The following CDC73 variants were observed in gnomAD, a reference collection of about 807,000 sequenced individuals.
The protein encoded by CDC73 is cell division cycle 73, also known as parafibromin.
CDC73 carries 21 observed loss-of-function variants against 83.7 expected under a neutral mutation model. The ratio of observed to expected loss-of-function variants is 0.25; its 90% CI spans 0.18 to 0.36. The LOEUF is 0.36. CDC73 is among the 10% of genes least tolerant of loss of function. The pLI is 1.00. For synonymous variants in CDC73, 224 were observed against 212.9 expected, an observed-to-expected ratio of 1.05 and a Z score of -0.45; for missense variants, 342 against 653.3, an observed-to-expected ratio of 0.52 and a Z score of 5.19.
At chr1:193,140,617 G>A (rs149450473) in intron 6 of CDC73, among the ~76,000 whole-genome samples, 31 of 152,202 alleles carry the variant, frequency 2.0e-4, no homozygotes, top group African/African-American at 7.2e-4. Flanking sequence ...TGCCATAGTC[G>A]ATCTGATAAC....
At chr1:193,133,908 AT>A (rs35439221) in intron 3 of CDC73, among the ~76,000 whole-genome samples, 12,544 of 146,676 alleles carry the variant, frequency 0.086, 888 homozygotes, top group African/African-American at 0.2. Context: ...CGGAGATAGG[AT>A]TTTTTTTTTT....
intron 10 of CDC73, among the ~76,000 whole-genome samples, chr1:193,162,826 T>G (rs959811110): frequency 2.0e-5 from 3 of 152,186 alleles, no homozygotes; most frequent in African/African-American, 7.2e-5. Flanking sequence ...TTTTTGTCAT[T>G]TCTGTCTTAT....
At chr1:193,200,925 T>C (rs940243846) in intron 10 of CDC73, among the ~76,000 whole-genome samples, 2 of 152,186 alleles carry the variant, frequency 1.3e-5, no homozygotes, top group Non-Finnish European at 2.9e-5. Flanking sequence ...GAATGTGCTT[T>C]TAGCCTCTTG....
At chr1:193,192,642 A>G in intron 10 of CDC73, among the ~76,000 whole-genome samples, 1 of 152,222 alleles carries the variant, frequency 6.6e-6, no homozygotes. Flanking sequence ...TCTGACCTAC[A>G]GAACCAGGCT....
chr1:193,253,311 A>T lies in CDC73; in HGVS notation c.*2599A>T, dbSNP rs984462173. ...CAGGTAATTTGAATGTGCAGGAAGG[A>T]TTCAGAATCACTGGTTTAATTTGTT... On this transcript the variant is annotated 3_prime_UTR_variant, in exon 17 of 17. Coordinates refer to ENST00000367435, the MANE Select transcript of CDC73 (RefSeq NM_024529.5). 1.7e-5 allele frequency: 4 copies of T among 232,336 alleles called. No homozygotes were observed. Among genetic ancestry groups the T allele is most frequent in the Non-Finnish European group, 3.4e-5 (4 of 117,588 alleles). The allele number at this position is 232,336 out of a possible 1,614,324, so 14.4% of individuals were successfully genotyped here. A position where few individuals can be genotyped will look rare whatever the true frequency, so the allele number is the denominator to read the frequency against.
chr1:193,164,846 T>C (rs891625119), intron 10 of CDC73, among the ~76,000 whole-genome samples: 10 of 152,186 alleles, frequency 6.6e-5, no homozygotes, highest in South Asian at 6.2e-4. Context: ...TCTATTTGAT[T>C]TGTTAAAAAG....
At chr1:193,155,620 A>G (rs1284950653) in intron 10 of CDC73, among the ~76,000 whole-genome samples, 1 of 152,178 alleles carries the variant, frequency 6.6e-6, no homozygotes, top group African/African-American at 2.4e-5. Context: ...TACTAAAAAT[A>G]CAAAAATTAG....
chr1:193,207,791 T>C (rs1424386488), intron 11 of CDC73, among the ~76,000 whole-genome samples: 1 of 152,238 alleles, frequency 6.6e-6, no homozygotes, highest in Non-Finnish European at 1.5e-5. Context: ...ATAGTGGTCC[T>C]GAGGTGACAT....
chr1:193,199,065 A>G (rs750521860), intron 10 of CDC73, among the ~76,000 whole-genome samples: 58 of 152,284 alleles, frequency 3.8e-4, no homozygotes, highest in Middle Eastern at 3.4e-3. Context: ...GGGAAGTACT[A>G]TGCTTTATAA....
chr1:193,124,548 G>A (rs1480919823), intron 1 of CDC73, among the ~76,000 whole-genome samples: 6 of 152,186 alleles, frequency 3.9e-5, no homozygotes, highest in Non-Finnish European at 8.8e-5. Context: ...TAGAGATCTT[G>A]CACCGTTAGT....
At chr1:193,180,619 G>T (rs1405308329) in intron 10 of CDC73, 2 of 1,614,104 alleles carry the variant, frequency 1.2e-6, no homozygotes, top group African/African-American at 1.3e-5. Flanking sequence ...AACATAACCA[G>T]TTCCAGAACA....
intron 5 of CDC73, 149 bp downstream of exon 5, chr1:193,135,738 G>A: frequency 1.5e-6 from 1 of 656,764 alleles, no homozygotes; most frequent in Middle Eastern, 4.1e-4. Flanking sequence ...TTAATAAGTA[G>A]CTCAAGCTAT....
intron 10 of CDC73, among the ~76,000 whole-genome samples, chr1:193,197,432 A>G (rs1181246800): frequency 6.6e-6 from 1 of 152,202 alleles, no homozygotes; most frequent in Non-Finnish European, 1.5e-5. Flanking sequence ...CAGTGAGCTG[A>G]AAATACACAG....
intron 5 of CDC73, among the ~76,000 whole-genome samples, chr1:193,136,231 T>A (rs1675797832): frequency 6.6e-6 from 1 of 152,196 alleles, no homozygotes; most frequent in Non-Finnish European, 1.5e-5. Context: ...TGGCTATGTT[T>A]CTATAAAAAA....
At chr1:193,126,023 C>T (rs988228837) in intron 2 of CDC73, among the ~76,000 whole-genome samples, 1 of 152,210 alleles carries the variant, frequency 6.6e-6, no homozygotes, top group East Asian at 1.9e-4. Context: ...CTACTTGGGA[C>T]TCTAAGGCGG....
chr1:193,207,434 G>A (rs768738472), intron 11 of CDC73, among the ~76,000 whole-genome samples: 6 of 152,144 alleles, frequency 3.9e-5, no homozygotes, highest in Non-Finnish European at 5.9e-5. Flanking sequence ...ATCATAGTAA[G>A]CTTGAGGGTA....
At chr1:193,211,987 AT>A (rs1677287209) in intron 11 of CDC73, 77 bp from the exon 12 acceptor site, 14 of 1,115,654 alleles carry the variant, frequency 1.3e-5, no homozygotes, top group Non-Finnish European at 1.7e-5. Context: ...AATTTAAAAA[AT>A]ATCCCTTATT....
chr1:193,231,698 A>G (rs1287523285), intron 13 of CDC73, among the ~76,000 whole-genome samples: 14 of 152,178 alleles, frequency 9.2e-5, no homozygotes, highest in African/African-American at 3.4e-4. Flanking sequence ...ATCAGCTCAG[A>G]AGCAAAGTTC....
At position 193,122,084 on chromosome 1, in the gene CDC73, T is replaced by C. The variant is rs1010690971; in HGVS notation, c.-117T>C. On this transcript the variant is annotated 5_prime_UTR_variant, in exon 1 of 17. Coordinates refer to ENST00000367435, the MANE Select transcript of CDC73 (RefSeq NM_024529.5). Reference sequence around the variant, plus strand: ...AGGACGGCTGTTAGTGCTGCTGCTGTTGGTTCGTCGCGGCGGCGAAGGAGG... The same window carrying C: ...AGGACGGCTGTTAGTGCTGCTGCTGCTGGTTCGTCGCGGCGGCGAAGGAGG... The C allele has an allele frequency of 1.1e-6, 1 of 947,652 alleles. No individual in the cohort carries two copies. Among genetic ancestry groups the C allele is most frequent in the Admixed American group, 2.0e-5 (1 of 49,878 alleles). 58.7% of individuals were successfully genotyped at this position (947,652 alleles called of 1,614,324 possible). A position where few individuals can be genotyped will look rare whatever the true frequency, so the allele number is the denominator to read the frequency against.
Sources: gnomAD v4.1 joint callset for allele counts (sites outside exome capture counted in the v4.1 genomes callset) on GRCh38, gnomAD v4.1.1 for gene constraint, MANE v1.5 for transcripts, NCBI Gene and HGNC (gene_info 2026-07-23, HGNC 2026-07-21) for gene names.